MACROD2: variants seen among roughly 807,000 people sequenced by gnomAD.
The protein encoded by MACROD2 is mono-ADP ribosylhydrolase 2, also known as ADP-ribose glycohydrolase MACROD2.
MACROD2 carries 36 observed loss-of-function variants against 70.4 expected under a neutral mutation model. That is an observed-to-expected ratio of 0.51 (90% CI 0.39 to 0.68). The LOEUF (loss-of-function observed/expected upper bound fraction) is 0.68. Ranked by LOEUF, MACROD2 falls within the 30% of genes least tolerant of loss-of-function variation. MACROD2 has a pLI of 0.00. For missense variants in MACROD2, 496 were observed against 538.4 expected, an observed-to-expected ratio of 0.92 and a Z score of 0.78; for synonymous variants, 172 against 178.8, an observed-to-expected ratio of 0.96 and a Z score of 0.30.
intron 5 of MACROD2, among the ~76,000 whole-genome samples, chr20:15,191,646 T>A (rs893388540): frequency 4.6e-5 from 7 of 152,180 alleles, no homozygotes; most frequent in Admixed American, 6.5e-5. Flanking sequence ...CTGCAGGGCA[T>A]AAGCCATTCC....
intron 8 of MACROD2, among the ~76,000 whole-genome samples, chr20:15,653,818 A>G (rs1425838254): frequency 6.6e-6 from 1 of 152,170 alleles, no homozygotes; most frequent in East Asian, 1.9e-4. Context: ...CCGTATTCAT[A>G]CTGGAAAACT....
intron 8 of MACROD2, among the ~76,000 whole-genome samples, chr20:15,539,095 A>T (rs936541900): frequency 6.6e-6 from 1 of 152,220 alleles, no homozygotes; most frequent in African/African-American, 2.4e-5. Context: ...TTTTCTGAGT[A>T]CGTAACTCTT....
intron 6 of MACROD2, among the ~76,000 whole-genome samples, chr20:15,349,783 A>C (rs567359177): frequency 6.6e-6 from 1 of 151,656 alleles, no homozygotes; most frequent in African/African-American, 2.4e-5. Flanking sequence ...ACCACGAAAA[A>C]TTATGGTGAA....
chr20:15,125,164 C>CTA (rs752379772), intron 5 of MACROD2, among the ~76,000 whole-genome samples: 44 of 151,808 alleles, frequency 2.9e-4, no homozygotes, highest in African/African-American at 9.4e-4. Flanking sequence ...AATGTAATCC[C>CTA]TATATATATA....
At chr20:14,651,607 A>G (rs1317280847) in intron 4 of MACROD2, among the ~76,000 whole-genome samples, 4 of 152,236 alleles carry the variant, frequency 2.6e-5, no homozygotes, top group Non-Finnish European at 4.4e-5. Context: ...ATATTGCTAT[A>G]TTGAAATATA....
At position 14,562,226 on chromosome 20, in the gene MACROD2, T is replaced by G. The variant is rs556676645; in HGVS notation, c.301+68718T>G. 7.2e-5 allele frequency among the ~76,000 whole-genome samples: 11 copies of G among 151,966 alleles called. 1 individual carries two copies. The highest frequency in any genetic ancestry group is 2.7e-4 in the African/African-American group (11 of 41,508). Reference sequence around the variant, plus strand: ...TGCTCTTTTCATGATCTCGTCTACATGGAAAGAGATTTGGAAACAGAACAT... The same window carrying G: ...TGCTCTTTTCATGATCTCGTCTACAGGGAAAGAGATTTGGAAACAGAACAT... On this transcript the variant is annotated intron_variant, in intron 4 of 17. Coordinates refer to ENST00000684519, the MANE Select transcript of MACROD2 (RefSeq NM_001351661.2).
chr20:14,269,752 A>C (rs1324913381), intron 3 of MACROD2, among the ~76,000 whole-genome samples: 1 of 151,946 alleles, frequency 6.6e-6, no homozygotes, highest in Non-Finnish European at 1.5e-5. Context: ...TTCTTTAAAC[A>C]TGCTGGAATT....
intron 3 of MACROD2, among the ~76,000 whole-genome samples, chr20:14,449,416 G>T (rs2084220104): frequency 6.6e-6 from 1 of 152,092 alleles, no homozygotes. Flanking sequence ...AAATTCAATA[G>T]ATTATAATTG....
At chr20:15,282,726 C>T (rs2077456606) in intron 6 of MACROD2, among the ~76,000 whole-genome samples, 1 of 152,216 alleles carries the variant, frequency 6.6e-6, no homozygotes. Flanking sequence ...AACTTTCCCA[C>T]ATCTTCCTGT....
chr20:14,305,783 T>C (rs1365880997), intron 3 of MACROD2, among the ~76,000 whole-genome samples: 2 of 152,154 alleles, frequency 1.3e-5, no homozygotes, highest in Admixed American at 1.3e-4. Flanking sequence ...CCCATGTATC[T>C]TTTTTCGTAT....
chr20:15,789,302 A>C (rs979075683), intron 8 of MACROD2, among the ~76,000 whole-genome samples: 1 of 152,204 alleles, frequency 6.6e-6, no homozygotes, highest in African/African-American at 2.4e-5. Flanking sequence ...GATTGCGTTC[A>C]GAGTCAGTGT....
intron 8 of MACROD2, among the ~76,000 whole-genome samples, chr20:15,842,579 A>G (rs1309937272): frequency 6.6e-6 from 1 of 151,772 alleles, no homozygotes; most frequent in African/African-American, 2.4e-5. Flanking sequence ...AAACCACAAA[A>G]AGCATCATGT....
chr20:15,376,124 G>A (rs1206337471), intron 6 of MACROD2, among the ~76,000 whole-genome samples: 1 of 152,068 alleles, frequency 6.6e-6, no homozygotes, highest in East Asian at 1.9e-4. Context: ...TTAAGAGACA[G>A]GCAATATTGT....
At chr20:15,380,992 A>G (rs955229212) in intron 6 of MACROD2, among the ~76,000 whole-genome samples, 20 of 152,164 alleles carry the variant, frequency 1.3e-4, no homozygotes, top group African/African-American at 4.8e-4. Context: ...ACAGACCAAT[A>G]CCCACGTTGG....
intron 4 of MACROD2, among the ~76,000 whole-genome samples, chr20:14,572,001 G>T (rs1427961223): frequency 6.6e-6 from 1 of 151,988 alleles, no homozygotes; most frequent in East Asian, 1.9e-4. Flanking sequence ...AGTTATGTTC[G>T]GTTTGGAAGT....
chr20:14,875,991 G>C (rs2073546407), intron 5 of MACROD2, among the ~76,000 whole-genome samples: 1 of 151,910 alleles, frequency 6.6e-6, no homozygotes, highest in African/African-American at 2.4e-5. Flanking sequence ...TCCAGTATTG[G>C]GATTGCTGGG....
At chr20:15,259,186 A>T (rs1480606985) in intron 6 of MACROD2, among the ~76,000 whole-genome samples, 1 of 151,884 alleles carries the variant, frequency 6.6e-6, no homozygotes, top group Non-Finnish European at 1.5e-5. Flanking sequence ...ATTTTTTAAC[A>T]ACAACAACAA....
intron 6 of MACROD2, among the ~76,000 whole-genome samples, chr20:15,351,393 A>C (rs981267577): frequency 2.6e-5 from 4 of 152,184 alleles, no homozygotes; most frequent in Non-Finnish European, 5.9e-5. Flanking sequence ...TAATAGAAAA[A>C]AATATTTTAC....
At chr20:15,893,094 T>C (rs1185379110) in intron 10 of MACROD2, 3 of 399,954 alleles carry the variant, frequency 7.5e-6, no homozygotes, top group Non-Finnish European at 1.3e-5. Flanking sequence ...ACAAACACAC[T>C]CATGTTCAGA....
Sources: gnomAD v4.1 joint callset for allele counts (sites outside exome capture counted in the v4.1 genomes callset) on GRCh38, gnomAD v4.1.1 for gene constraint, MANE v1.5 for transcripts, NCBI Gene and HGNC (gene_info 2026-07-23, HGNC 2026-07-21) for gene names.